The following DLG2 variants were observed in gnomAD, a reference collection of about 807,000 sequenced individuals.
DLG2 encodes discs large MAGUK scaffold protein 2.
DLG2 carries 45 observed loss-of-function variants against 132.5 expected under a neutral mutation model. That is an observed-to-expected ratio of 0.34 (90% confidence interval 0.27 to 0.44). DLG2 has a LOEUF of 0.44. Ranked by LOEUF, DLG2 falls within the 20% of genes least tolerant of loss-of-function variation. The pLI is 1.00. For synonymous variants in DLG2, 424 were observed against 419.6 expected (o/e 1.01, Z -0.13); for missense variants, 1,045 against 1,196.9 (o/e 0.87, Z 1.87).
At chr11:85,336,143 A>C (rs1236544452) in intron 3 of DLG2, 3 of 152,696 alleles carry the variant, frequency 2.0e-5, no homozygotes, top group Non-Finnish European at 4.4e-5. Flanking sequence ...GTACTCAACC[A>C]GCTTTGCTTC....
At chr11:84,498,444 C>A (rs1252234838) in intron 7 of DLG2, among the ~76,000 whole-genome samples, 2 of 152,100 alleles carry the variant, frequency 1.3e-5, no homozygotes, top group African/African-American at 4.8e-5. Context: ...CCACCACCCC[C>A]ACCACCAACA....
intron 8 of DLG2, among the ~76,000 whole-genome samples, chr11:84,236,057 A>AC (rs2097154375): frequency 6.6e-6 from 1 of 151,772 alleles, no homozygotes; most frequent in Non-Finnish European, 1.5e-5. Flanking sequence ...ATTAAAAAAA[A>AC]AAAAAAACAA....
At chr11:83,989,509 G>A (rs1296864943) in intron 11 of DLG2, among the ~76,000 whole-genome samples, 2 of 152,166 alleles carry the variant, frequency 1.3e-5, no homozygotes, top group African/African-American at 4.8e-5. Flanking sequence ...CATTATGTGA[G>A]GGAAGCATGA....
chr11:83,698,977 T>C (rs1197979869), intron 18 of DLG2, among the ~76,000 whole-genome samples: 3 of 152,116 alleles, frequency 2.0e-5, no homozygotes, highest in Admixed American at 2.0e-4. Context: ...ATGTGAGAAG[T>C]GGGCTGCAGG....
chr11:84,902,811 A>G (rs2091052453), intron 6 of DLG2, among the ~76,000 whole-genome samples: 1 of 152,144 alleles, frequency 6.6e-6, no homozygotes. Context: ...TAGGATAGCT[A>G]ACAACACCAT....
chr11:85,493,060 T>C (rs961462926), intron 3 of DLG2, among the ~76,000 whole-genome samples: 1 of 152,034 alleles, frequency 6.6e-6, no homozygotes, highest in East Asian at 1.9e-4. Flanking sequence ...TCCTGAGTCA[T>C]ATTGGCAGGC....
chr11:85,292,785 G>T (rs2078994930), intron 3 of DLG2, among the ~76,000 whole-genome samples: 2 of 144,806 alleles, frequency 1.4e-5, no homozygotes, highest in Non-Finnish European at 1.5e-5. Flanking sequence ...GGGAGTGGGG[G>T]TGGGGCAGAG....
intron 6 of DLG2, among the ~76,000 whole-genome samples, chr11:84,840,606 A>G (rs540219983): frequency 3.6e-4 from 55 of 152,160 alleles, no homozygotes; most frequent in African/African-American, 1.2e-3. Flanking sequence ...GTCAATCAAT[A>G]ATAGACTGGA....
At chr11:83,782,174 C>T (rs1462835478) in intron 18 of DLG2, among the ~76,000 whole-genome samples, 1 of 152,156 alleles carries the variant, frequency 6.6e-6, no homozygotes, top group African/African-American at 2.4e-5. Context: ...ACCAGGGATT[C>T]AATTACCATC....
chr11:84,612,683 T>C (rs762803296), intron 6 of DLG2, among the ~76,000 whole-genome samples: 2 of 152,162 alleles, frequency 1.3e-5, no homozygotes, highest in Non-Finnish European at 2.9e-5. Context: ...TATGGTTATA[T>C]TATTTTTAAC....
At chr11:83,812,317 G>T (rs1376761917) in intron 17 of DLG2, among the ~76,000 whole-genome samples, 1 of 152,066 alleles carries the variant, frequency 6.6e-6, no homozygotes, top group African/African-American at 2.4e-5. Flanking sequence ...TTGTGGTTGT[G>T]TTTAACAGTA....
At chr11:83,757,106 A>G (rs545221332) in intron 18 of DLG2, among the ~76,000 whole-genome samples, 1 of 152,220 alleles carries the variant, frequency 6.6e-6, no homozygotes, top group African/African-American at 2.4e-5. Flanking sequence ...TGTCTGCATT[A>G]TTTTGTTTAT....
intron 3 of DLG2, among the ~76,000 whole-genome samples, chr11:85,475,501 C>T (rs571602859): frequency 6.1e-4 from 93 of 152,018 alleles, no homozygotes; most frequent in African/African-American, 2.2e-3. Context: ...AATTATACCA[C>T]ATAAAACTAT....
chr11:84,885,954 T>C (rs538889632), intron 6 of DLG2, among the ~76,000 whole-genome samples: 4 of 152,242 alleles, frequency 2.6e-5, no homozygotes, highest in Non-Finnish European at 4.4e-5. Flanking sequence ...CAAATGTTTA[T>C]TGAATGCCCA....
chr11:84,720,513 G>A, intron 6 of DLG2: 1 of 983,428 alleles, frequency 1.0e-6, no homozygotes, highest in Non-Finnish European at 1.2e-6. Context: ...CCCTGCACCC[G>A]CCGTGGCCAT....
At chr11:85,090,328 G>C (rs577101806) in intron 6 of DLG2, among the ~76,000 whole-genome samples, 1 of 152,234 alleles carries the variant, frequency 6.6e-6, no homozygotes, top group Non-Finnish European at 1.5e-5. Flanking sequence ...TCTTTTCTCT[G>C]TCATCTTTTC....
At chr11:84,854,971 A>G (rs1167755103) in intron 6 of DLG2, among the ~76,000 whole-genome samples, 1 of 152,006 alleles carries the variant, frequency 6.6e-6, no homozygotes, top group East Asian at 1.9e-4. Flanking sequence ...CTAAGTATCT[A>G]CCTAGCACAA....
intron 7 of DLG2, among the ~76,000 whole-genome samples, chr11:84,476,160 G>T (rs532467824): frequency 1.2e-3 from 180 of 152,138 alleles, no homozygotes; most frequent in African/African-American, 4.1e-3. Context: ...GAGAAGTTAG[G>T]AAACTTGTTC....
intron 4 of DLG2, among the ~76,000 whole-genome samples, chr11:85,272,931 G>A (rs908550961): frequency 6.6e-6 from 1 of 152,036 alleles, no homozygotes; most frequent in Non-Finnish European, 1.5e-5. Context: ...ACAGAACAGA[G>A]CCCTCAGAAA....
Sources: allele counts gnomAD v4.1 joint callset (sites outside exome capture counted in the v4.1 genomes callset), GRCh38; gene constraint gnomAD v4.1.1; transcripts MANE v1.5; gene names NCBI Gene and HGNC (gene_info 2026-07-23, HGNC 2026-07-21).